The following RAB3C variants were observed in gnomAD, a reference collection of about 807,000 sequenced individuals.
RAB3C encodes the protein ras-related protein Rab-3C.
In RAB3C, 17 loss-of-function variants were observed where a neutral mutation model predicts 26.4. The ratio of observed to expected loss-of-function variants is 0.64; its 90% CI spans 0.44 to 0.97. The LOEUF (loss-of-function observed/expected upper bound fraction) is 0.97, where lower values mean the gene tolerates loss of function less well. Among genes scored for constraint, RAB3C ranks in the 50% least tolerant of loss-of-function variants. The pLI is 0.00. For synonymous variants in RAB3C, 91 were observed against 95.9 expected, an observed-to-expected ratio of 0.95 and a Z score of 0.30; for missense variants, 242 against 281.9, an observed-to-expected ratio of 0.86 and a Z score of 1.01.
At chr5:58,743,566 C>T (rs1332746887) in intron 3 of RAB3C, among the ~76,000 whole-genome samples, 2 of 152,058 alleles carry the variant, frequency 1.3e-5, no homozygotes, top group African/African-American at 2.4e-5. Flanking sequence ...TCCCCCTTGG[C>T]CCCCAGCTCC....
chr5:58,622,126 C>T (rs189386163), intron 2 of RAB3C, among the ~76,000 whole-genome samples: 8 of 152,098 alleles, frequency 5.3e-5, no homozygotes, highest in African/African-American at 1.2e-4. Context: ...GGTCAGAGTA[C>T]GCAGGGTTCA....
chr5:58,714,436 C>T lies in RAB3C; in HGVS notation c.253-11566C>T, dbSNP rs141987385. Among the ~76,000 whole-genome samples, 834 of 152,028 alleles carry T rather than the reference C, an allele frequency of 5.5e-3. 6 individuals carry two copies. The highest frequency in any genetic ancestry group is 0.019 in the African/African-American group (768 of 41,488). On this transcript the variant is annotated intron_variant, in intron 2 of 4. Transcript: ENST00000282878. ...GACATACAAAAGAAGTATTTATTAC[C>T]GGCAGACCTTCCCCAATGGGATTTC...
chr5:58,779,192 T>G (rs951634965), intron 3 of RAB3C, among the ~76,000 whole-genome samples: 1 of 151,982 alleles, frequency 6.6e-6, no homozygotes, highest in African/African-American at 2.4e-5. Context: ...AACAAACTGA[T>G]CCCATCCAAG....
At chr5:58,692,055 C>T (rs1393615788) in intron 2 of RAB3C, among the ~76,000 whole-genome samples, 4 of 152,112 alleles carry the variant, frequency 2.6e-5, no homozygotes, top group East Asian at 1.9e-4. Context: ...GCCTGCTGTA[C>T]AATGGTTCTT....
At chr5:58,591,735 A>G (rs532565541) in intron 1 of RAB3C, among the ~76,000 whole-genome samples, 1 of 150,076 alleles carries the variant, frequency 6.7e-6, no homozygotes, top group East Asian at 1.9e-4. Context: ...GTCCATTTTC[A>G]TATATTACAA....
chr5:58,845,612 A>ATATATATATATATATATATATATATG, intron 4 of RAB3C, among the ~76,000 whole-genome samples: 1 of 81,744 alleles, frequency 1.2e-5, no homozygotes, highest in African/African-American at 5.8e-5. Context: ...ATATATATAT[A>ATATATATATATATATATATATATATG]TGTGTGTGTG....
intron 3 of RAB3C, among the ~76,000 whole-genome samples, chr5:58,810,378 T>TCTCG (rs72300728): frequency 0.022 from 3,309 of 150,254 alleles, 43 homozygotes; most frequent in Non-Finnish European, 0.035. Context: ...TCTCTCTCTC[T>TCTCG]CTCTCTCTGT....
chr5:58,791,395 A>G (rs762545026), intron 3 of RAB3C, among the ~76,000 whole-genome samples: 15 of 152,182 alleles, frequency 9.9e-5, no homozygotes, highest in Non-Finnish European at 2.1e-4. Flanking sequence ...CCGTTACAAC[A>G]TGAAGAGTTA....
intron 4 of RAB3C, among the ~76,000 whole-genome samples, chr5:58,845,472 A>G (rs13356693): frequency 0.06 from 9,150 of 151,510 alleles, 380 homozygotes; most frequent in East Asian, 0.13. Flanking sequence ...GAGCATGGGA[A>G]CCATTTTGTG....
At chr5:58,623,066 T>C (rs1419771908) in intron 2 of RAB3C, among the ~76,000 whole-genome samples, 1 of 152,234 alleles carries the variant, frequency 6.6e-6, no homozygotes, top group African/African-American at 2.4e-5. Flanking sequence ...AAAGAACCAG[T>C]TGTTTTGCTT....
intron 2 of RAB3C, among the ~76,000 whole-genome samples, chr5:58,708,313 G>A (rs928122540): frequency 3.3e-5 from 5 of 152,122 alleles, no homozygotes; most frequent in Non-Finnish European, 5.9e-5. Flanking sequence ...TTCTATGAAC[G>A]ATGATGGATC....
intron 3 of RAB3C, among the ~76,000 whole-genome samples, chr5:58,728,912 C>T (rs140183263): frequency 2.6e-5 from 4 of 152,054 alleles, no homozygotes; most frequent in Non-Finnish European, 5.9e-5. Flanking sequence ...CTTACCTGAA[C>T]TCCATCCTTT....
chr5:58,738,512 G>A (rs1741203121), intron 3 of RAB3C, among the ~76,000 whole-genome samples: 1 of 149,510 alleles, frequency 6.7e-6, no homozygotes, highest in South Asian at 2.1e-4. Flanking sequence ...GGAGCTAAGA[G>A]AATAGAGAGA....
At chr5:58,712,611 G>T (rs901042615) in intron 2 of RAB3C, among the ~76,000 whole-genome samples, 1 of 152,086 alleles carries the variant, frequency 6.6e-6, no homozygotes, top group East Asian at 1.9e-4. Context: ...TTCAACCTCT[G>T]CCTCCCGGGT....
chr5:58,739,721 A>G (rs1741236682), intron 3 of RAB3C, among the ~76,000 whole-genome samples: 1 of 152,240 alleles, frequency 6.6e-6, no homozygotes, highest in African/African-American at 2.4e-5. Flanking sequence ...TAAAAATTAT[A>G]GTGTAAGTAC....
At chr5:58,632,552 C>T (rs1480773323) in intron 2 of RAB3C, among the ~76,000 whole-genome samples, 6 of 152,114 alleles carry the variant, frequency 3.9e-5, no homozygotes, top group Admixed American at 2.6e-4. Flanking sequence ...GATGATGGAT[C>T]GGGGAAGGGG....
chr5:58,839,967 A>T (rs1357055892), intron 4 of RAB3C, among the ~76,000 whole-genome samples: 1 of 149,810 alleles, frequency 6.7e-6, no homozygotes. Context: ...CCTGTCCTAT[A>T]GGGGTTCTGT....
intron 2 of RAB3C, among the ~76,000 whole-genome samples, chr5:58,707,842 T>G (rs1748975422): frequency 6.6e-6 from 1 of 152,176 alleles, no homozygotes; most frequent in Admixed American, 6.6e-5. Context: ...AACTCTTCAC[T>G]CTATTTTTCC....
In RAB3C at chr5:58,858,719, T is replaced by C. The variant is rs1744318505; in HGVS notation, c.*7368T>C. The C allele has an allele frequency of 6.6e-6, 1 of 152,202 alleles. No individual in the cohort carries two copies. The highest frequency in any genetic ancestry group is 1.5e-5 in the Non-Finnish European group (1 of 68,034). 9.4% of individuals were successfully genotyped at this position (152,202 alleles called of 1,614,324 possible). On this transcript the variant is annotated 3_prime_UTR_variant, in exon 5 of 5. Coordinates refer to ENST00000282878, the MANE Select transcript of RAB3C (RefSeq NM_138453.4). ...TATCAGCTATAGATCATTGTTTTCT[T>C]AAGACAGCCAAACTGGCCCTTTGAA...
Sources: allele counts gnomAD v4.1 joint callset (sites outside exome capture counted in the v4.1 genomes callset), GRCh38; gene constraint gnomAD v4.1.1; transcripts MANE v1.5; gene names NCBI Gene and HGNC (gene_info 2026-07-23, HGNC 2026-07-21).